The following SPPL3 variants were observed in gnomAD, a reference collection of about 807,000 sequenced individuals.
SPPL3 encodes signal peptide peptidase like 3, also known as signal peptide peptidase-like 3.
A neutral mutation model predicts 42.4 loss-of-function variants in SPPL3; 5 were observed. That is an observed-to-expected ratio of 0.12 (90% CI 0.06 to 0.25). The LOEUF (loss-of-function observed/expected upper bound fraction) is 0.25. SPPL3 is among the 10% of genes least tolerant of loss of function. The pLI is 1.00. For synonymous variants in SPPL3, 195 were observed against 181.8 expected, an observed-to-expected ratio of 1.07 and a Z score of -0.58; for missense variants, 235 against 489.0, an observed-to-expected ratio of 0.48 and a Z score of 4.90.
At chr12:120,804,565 A>AG (rs1164112238) in intron 2 of SPPL3, among the ~76,000 whole-genome samples, 1 of 152,206 alleles carries the variant, frequency 6.6e-6, no homozygotes, top group Non-Finnish European at 1.5e-5. Context: ...CCAGAACAGT[A>AG]GAATAGCTAT....
At chr12:120,779,380 T>A (rs1384389230) in intron 6 of SPPL3, among the ~76,000 whole-genome samples, 2 of 152,178 alleles carry the variant, frequency 1.3e-5, no homozygotes, top group African/African-American at 4.8e-5. Context: ...TCCAAAGAAC[T>A]CTGTCTCCAA....
chr12:120,891,597 G>C (rs1260034403), intron 1 of SPPL3, among the ~76,000 whole-genome samples: 1 of 152,052 alleles, frequency 6.6e-6, no homozygotes, highest in Non-Finnish European at 1.5e-5. Flanking sequence ...TCCTGAAATA[G>C]TAGTGAGAGA....
At chr12:120,870,989 G>A (rs1872901394) in intron 1 of SPPL3, among the ~76,000 whole-genome samples, 1 of 151,698 alleles carries the variant, frequency 6.6e-6, no homozygotes, top group African/African-American at 2.4e-5. Context: ...AAACAGCCGG[G>A]CATGGCGCCA....
Position 120,900,597 on chromosome 12 carries a change from G to GAAA in SPPL3, c.23+3245_23+3247dup, listed in dbSNP as rs10657271. On this transcript the variant is annotated intron_variant, in intron 1 of 10. Transcript: ENST00000353487. ...TGATAAAGTGAGACCCTGTCTCAAGGAAAAAAAAAAAAAAAAGAGAGATCA... is the reference window on the plus strand; with the variant it reads ...TGATAAAGTGAGACCCTGTCTCAAGGAAAAAAAAAAAAAAAAAAAGAGAGATCA... 3.6e-3 allele frequency among the ~76,000 whole-genome samples: 449 copies of GAAA among 123,080 alleles called. 6 individuals carry two copies. The highest frequency in any genetic ancestry group is 0.011 in the African/African-American group (343 of 31,770). 80.7% of individuals were successfully genotyped at this position (123,080 alleles called of 152,430 possible).
At chr12:120,868,512 G>A (rs540826932) in intron 1 of SPPL3, among the ~76,000 whole-genome samples, 1 of 152,084 alleles carries the variant, frequency 6.6e-6, no homozygotes, top group East Asian at 1.9e-4. Flanking sequence ...TTTTGAGACG[G>A]ATTCTCACTC....
chr12:120,784,838 G>T (rs1869664397), intron 3 of SPPL3, among the ~76,000 whole-genome samples: 1 of 152,034 alleles, frequency 6.6e-6, no homozygotes, highest in South Asian at 2.1e-4. Context: ...ACCTCCTGGT[G>T]TTAACCATCT....
intron 1 of SPPL3, among the ~76,000 whole-genome samples, chr12:120,890,114 G>A (rs1001488673): frequency 4.6e-5 from 7 of 152,026 alleles, no homozygotes; most frequent in Admixed American, 4.6e-4. Flanking sequence ...TGGACGTGGT[G>A]GTGCATGCCT....
At chr12:120,818,307 T>C (rs774786621) in intron 1 of SPPL3, among the ~76,000 whole-genome samples, 1 of 151,430 alleles carries the variant, frequency 6.6e-6, no homozygotes, top group Non-Finnish European at 1.5e-5. Context: ...TGTATCAGTA[T>C]AGGCCAGCTG....
At chr12:120,842,431 A>C (rs1427354112) in intron 1 of SPPL3, among the ~76,000 whole-genome samples, 1 of 152,212 alleles carries the variant, frequency 6.6e-6, no homozygotes, top group Admixed American at 6.5e-5. Flanking sequence ...ATGTTCCCCA[A>C]AAACATGGTC....
intron 2 of SPPL3, among the ~76,000 whole-genome samples, chr12:120,793,839 G>A (rs536174326): frequency 6.6e-6 from 1 of 152,324 alleles, no homozygotes; most frequent in South Asian, 2.1e-4. Flanking sequence ...GTCTGCATTA[G>A]TAAATATTCC....
Position 120,784,715 on chromosome 12 carries a change from T to C in SPPL3, c.191-122A>G, listed in dbSNP as rs1374478268. On this transcript the variant is annotated intron_variant, in intron 3 of 10. Transcript: ENST00000353487. The stretch of plus-strand genomic sequence containing the variant: ...CTACGGATTATACGTAGGACATGGA[T>C]TATCCAGGCCCTATGAGTCTTTCTT... 2.5e-5 allele frequency: 17 copies of C among 677,986 alleles called. No individual in the cohort carries two copies. In the East Asian group the frequency reaches 4.9e-4, roughly 20 times the overall value. The allele number at this position is 677,986 out of a possible 1,614,324, so 42.0% of individuals were successfully genotyped here.
chr12:120,856,242 T>C (rs1285187316), intron 1 of SPPL3, among the ~76,000 whole-genome samples: 5 of 151,624 alleles, frequency 3.3e-5, no homozygotes, highest in African/African-American at 9.7e-5. Context: ...GATGCAATTC[T>C]GGCCAATGAG....
intron 1 of SPPL3, among the ~76,000 whole-genome samples, chr12:120,890,003 T>C (rs1873584178): frequency 6.6e-6 from 1 of 152,150 alleles, no homozygotes; most frequent in Admixed American, 6.5e-5. Context: ...CCCAGCACTT[T>C]GGGAGGCCAA....
At chr12:120,876,024 C>CT (rs372060791) in intron 1 of SPPL3, among the ~76,000 whole-genome samples, 1 of 146,252 alleles carries the variant, frequency 6.8e-6, no homozygotes, top group Admixed American at 6.8e-5. Context: ...AGACCCCCCC[C>CT]ACCCAAATCA....
chr12:120,768,338 G>A lies in SPPL3; in HGVS notation c.760C>T (p.Leu254=). ...ATGAGGTCTTACCTTGGGAAGACCA[G>A]TTTTCCAGGCAGAGACAGGCGAGGA... ...DVPRLSLPGK[L]VFPSSTGSHF... Residue 254 remains leucine, a synonymous_variant, in exon 8 of 11, where the codon CTG becomes TTG. Coordinates refer to ENST00000353487, the MANE Select transcript of SPPL3 (RefSeq NM_139015.5). The A allele has an allele frequency of 6.2e-7, 1 of 1,613,718 alleles. No individual in the cohort carries two copies. Among genetic ancestry groups the A allele is most frequent in the African/African-American group, 1.3e-5 (1 of 75,048 alleles).
At chr12:120,867,628 C>T (rs1872793378) in intron 1 of SPPL3, among the ~76,000 whole-genome samples, 1 of 145,244 alleles carries the variant, frequency 6.9e-6, no homozygotes, top group Non-Finnish European at 1.5e-5. Flanking sequence ...TCACTCCAGC[C>T]TGGCTACAGA....
chr12:120,858,626 GA>G (rs1872535912), intron 1 of SPPL3, among the ~76,000 whole-genome samples: 1 of 152,174 alleles, frequency 6.6e-6, no homozygotes, highest in African/African-American at 2.4e-5. Context: ...ATGCCTTAAA[GA>G]AACTAGAAAG....
rs189478669 is a variant in SPPL3, at chr12:120,859,715, G to A, written c.23+44130C>T. 7.3e-3 allele frequency among the ~76,000 whole-genome samples: 1,111 copies of A among 152,142 alleles called. 12 individuals carry two copies. Among genetic ancestry groups the A allele is most frequent in the African/African-American group, 0.02 (821 of 41,520 alleles). ...TCCCAGCACTCTGGGAGGTCGAGGC[G>A]GGTGGATCACCTGAGGTCAGGAGTT... On this transcript the variant is annotated intron_variant, in intron 1 of 10. Coordinates refer to ENST00000353487, the MANE Select transcript of SPPL3 (RefSeq NM_139015.5).
At chr12:120,833,808 T>C (rs997653842) in intron 1 of SPPL3, among the ~76,000 whole-genome samples, 81 of 131,422 alleles carry the variant, frequency 6.2e-4, no homozygotes, top group African/African-American at 2.3e-3. Flanking sequence ...TGTGTGTGTG[T>C]TGAGTTTCAA....
Sources: allele counts gnomAD v4.1 joint callset (sites outside exome capture counted in the v4.1 genomes callset), GRCh38; gene constraint gnomAD v4.1.1; transcripts MANE v1.5; gene names NCBI Gene and HGNC (gene_info 2026-07-23, HGNC 2026-07-21).